Variants in MRPL22 observed in about 807,000 individuals in gnomAD.
MRPL22 encodes the protein mitochondrial ribosomal protein L22.
MRPL22 carries 27 observed loss-of-function variants against 32.4 expected under a neutral mutation model. The observed-to-expected ratio is 0.83, with a 90% CI of 0.61 to 1.15. The LOEUF is 1.15. Among genes scored for constraint, MRPL22 ranks in the 50% most tolerant of loss-of-function variants. MRPL22 has a pLI of 0.00. For synonymous variants in MRPL22, 86 were observed against 87.3 expected, an observed-to-expected ratio of 0.99 and a Z score of 0.08; for missense variants, 239 against 260.2, an observed-to-expected ratio of 0.92 and a Z score of 0.56.
At chr5:154,946,917 C>G (rs1764499588) in intron 2 of MRPL22, among the ~76,000 whole-genome samples, 1 of 152,114 alleles carries the variant, frequency 6.6e-6, no homozygotes, top group African/African-American at 2.4e-5. Flanking sequence ...CGTGGCCTCC[C>G]AAAGTGCTGG....
chr5:154,947,759 C>A (rs548665419), intron 2 of MRPL22, among the ~76,000 whole-genome samples: 1 of 152,106 alleles, frequency 6.6e-6, no homozygotes, highest in Non-Finnish European at 1.5e-5. Context: ...TAGCCACTTA[C>A]GATAGTACAG....
At chr5:154,958,106 A>G (rs1764654941) in intron 5 of MRPL22, among the ~76,000 whole-genome samples, 1 of 151,882 alleles carries the variant, frequency 6.6e-6, no homozygotes, top group Non-Finnish European at 1.5e-5. Flanking sequence ...TTTAGTAGAG[A>G]TGGGATTTCA....
In MRPL22 at chr5:154,956,528, T is replaced by TA. The variant is rs534190622; in HGVS notation, c.261+98dup. ...ACCCCTCACCCCAGGATTTGAAAAATAAAAAAGATTTGTGAGGAATGTGAT... is the reference window on the plus strand; with the variant it reads ...ACCCCTCACCCCAGGATTTGAAAAATAAAAAAAGATTTGTGAGGAATGTGAT... On this transcript the variant is annotated intron_variant, in intron 4 of 6. Coordinates refer to ENST00000523037, the MANE Select transcript of MRPL22 (RefSeq NM_014180.4). 9.8e-4 allele frequency: 784 copies of TA among 800,408 alleles called. 6 individuals carry two copies. In the African/African-American group the frequency reaches 0.011, roughly 12 times the overall value. 49.6% of individuals were successfully genotyped at this position (800,408 alleles called of 1,614,324 possible).
At chr5:154,953,629 C>T (rs965147452) in intron 3 of MRPL22, among the ~76,000 whole-genome samples, 7 of 150,072 alleles carry the variant, frequency 4.7e-5, no homozygotes, top group South Asian at 2.1e-4. Context: ...AGTCAGCATA[C>T]TGATAATAAT....
At position 154,968,720 on chromosome 5, in the gene MRPL22, G is replaced by A. The variant is rs1279539403; in HGVS notation, c.*1823G>A. On this transcript the variant is annotated 3_prime_UTR_variant, in exon 7 of 7. Coordinates refer to ENST00000523037, the MANE Select transcript of MRPL22 (RefSeq NM_014180.4). ...TCTTGGAGTTGTGACTTCCTTGGGT[G>A]TGACTAAAGCCAGGTGGTGCCATGG... 5 of 152,194 alleles carry A rather than the reference G, an allele frequency of 3.3e-5. No homozygotes were observed. The highest frequency in any genetic ancestry group is 7.3e-5 in the Non-Finnish European group (5 of 68,034). The allele number at this position is 152,194 out of a possible 1,614,324, so 9.4% of individuals were successfully genotyped here. A position where few individuals can be genotyped will look rare whatever the true frequency, so the allele number is the denominator to read the frequency against.
intron 3 of MRPL22, among the ~76,000 whole-genome samples, chr5:154,954,841 G>A (rs1419354552): frequency 6.6e-6 from 1 of 152,088 alleles, no homozygotes; most frequent in African/African-American, 2.4e-5. Flanking sequence ...GCCCAGGCTG[G>A]AGTGCAGTGG....
intron 2 of MRPL22, among the ~76,000 whole-genome samples, chr5:154,946,153 A>G (rs1764487824): frequency 6.6e-6 from 1 of 152,196 alleles, no homozygotes; most frequent in Admixed American, 6.5e-5. Context: ...CTAGGCGGGT[A>G]CAGCAGGTAT....
rs753052791 is a variant in MRPL22, at chr5:154,966,923, A to G, written c.*26A>G. On this transcript the variant is annotated 3_prime_UTR_variant, in exon 7 of 7. Coordinates refer to ENST00000523037, the MANE Select transcript of MRPL22 (RefSeq NM_014180.4). ...TGAGGAGATTCAGACTCCACAGTGT[A>G]TATATTTTGCCATTTATTTTCTAAA... 9 of 1,553,104 alleles carry G rather than the reference A, an allele frequency of 5.8e-6. No homozygotes were observed. The Admixed American group carries it at 8.3e-5, about 14-fold the overall frequency.
chr5:154,968,945 T>A lies in MRPL22; in HGVS notation c.*2048T>A, dbSNP rs550960813. 6.6e-6 allele frequency: 1 copy of A among 152,236 alleles called. No individual in the cohort carries two copies. Among genetic ancestry groups the A allele is most frequent in the Non-Finnish European group, 1.5e-5 (1 of 68,048 alleles). The allele number at this position is 152,236 out of a possible 1,614,324, so 9.4% of individuals were successfully genotyped here. The stretch of plus-strand genomic sequence containing the variant: ...TGTCACTGACTGTATCTGGTACTAT[T>A]TTAAGCACTATATATACATTATCTC... On this transcript the variant is annotated 3_prime_UTR_variant, in exon 7 of 7. Transcript: ENST00000523037.
At chr5:154,959,443 A>G (rs978373508) in intron 5 of MRPL22, among the ~76,000 whole-genome samples, 1 of 152,196 alleles carries the variant, frequency 6.6e-6, no homozygotes, top group African/African-American at 2.4e-5. Context: ...TCCTGGGTTC[A>G]AGTGATCCTC....
rs755426897 is a variant in MRPL22 at position 154,941,282 on chromosome 5, G to C, written c.77+17G>C. The C allele has an allele frequency of 7.4e-6, 12 of 1,612,442 alleles. No individual in the cohort carries two copies. Among genetic ancestry groups the C allele is most frequent in the Non-Finnish European group, 9.3e-6 (11 of 1,179,990 alleles). On this transcript the variant is annotated intron_variant, in intron 2 of 6. Transcript: ENST00000523037. ...GGCCTTGGGGTGAGTCTCTCGCTTC[G>C]GAGTTTCGGAAGGGCCCAAGGCATC...
chr5:154,944,013 T>A (rs1169171536), intron 2 of MRPL22, among the ~76,000 whole-genome samples: 2 of 152,196 alleles, frequency 1.3e-5, no homozygotes, highest in Non-Finnish European at 2.9e-5. Flanking sequence ...TACTGATGCA[T>A]ACATTTGAGA....
At chr5:154,947,242 C>T (rs1304192359) in intron 2 of MRPL22, among the ~76,000 whole-genome samples, 2 of 152,188 alleles carry the variant, frequency 1.3e-5, no homozygotes, top group Non-Finnish European at 2.9e-5. Flanking sequence ...AGGCCATTCA[C>T]CTAGTAAATT....
chr5:154,953,362 G>GAA (rs573134537), intron 3 of MRPL22, among the ~76,000 whole-genome samples: 16 of 69,234 alleles, frequency 2.3e-4, no homozygotes, highest in Non-Finnish European at 3.4e-4. Flanking sequence ...CGTCTCAGGA[G>GAA]AAAAAAAAAA....
At chr5:154,953,380 A>G (rs977114692) in intron 3 of MRPL22, among the ~76,000 whole-genome samples, 2 of 150,630 alleles carry the variant, frequency 1.3e-5, no homozygotes, top group Admixed American at 1.3e-4. Flanking sequence ...AAAAAAAAAA[A>G]AAAAAAAAGA....
At chr5:154,965,529 A>C (rs561989794) in intron 6 of MRPL22, among the ~76,000 whole-genome samples, 1 of 150,426 alleles carries the variant, frequency 6.6e-6, no homozygotes, top group Non-Finnish European at 1.5e-5. Flanking sequence ...GGTTCAAGCG[A>C]TTCTCTTGCC....
intron 3 of MRPL22, among the ~76,000 whole-genome samples, chr5:154,952,769 T>C (rs561619231): frequency 3.3e-5 from 5 of 152,330 alleles, no homozygotes; most frequent in African/African-American, 1.2e-4. Context: ...GAATTTCCAA[T>C]CTGCCAGCTG....
intron 2 of MRPL22, among the ~76,000 whole-genome samples, chr5:154,948,469 G>A (rs549615251): frequency 7.2e-5 from 11 of 151,928 alleles, no homozygotes; most frequent in East Asian, 3.9e-4. Context: ...GTTTTGTAGC[G>A]TTTTCTATAC....
chr5:154,963,139 A>C (rs1213493100), intron 6 of MRPL22, among the ~76,000 whole-genome samples: 1 of 152,200 alleles, frequency 6.6e-6, no homozygotes, highest in East Asian at 1.9e-4. Flanking sequence ...AGGTTTCACT[A>C]TGTTGGCCAG....
Sources: gnomAD v4.1 joint callset for allele counts (sites outside exome capture counted in the v4.1 genomes callset) on GRCh38, gnomAD v4.1.1 for gene constraint, MANE v1.5 for transcripts, NCBI Gene and HGNC (gene_info 2026-07-23, HGNC 2026-07-21) for gene names.